CACHD1: variants seen among roughly 807,000 people sequenced by gnomAD.
CACHD1 encodes VWFA and cache domain-containing protein 1.
A neutral mutation model predicts 138.7 loss-of-function variants in CACHD1; 71 were observed. The ratio of observed to expected loss-of-function variants is 0.51; its 90% CI spans 0.42 to 0.62. CACHD1 has a LOEUF of 0.62. Ranked by LOEUF, CACHD1 falls within the 20% of genes least tolerant of loss-of-function variation. CACHD1 has a pLI of 0.00. For synonymous variants in CACHD1, 578 were observed against 591.5 expected, an observed-to-expected ratio of 0.98 and a Z score of 0.33; for missense variants, 1,389 against 1,625.3, an observed-to-expected ratio of 0.85 and a Z score of 2.50.
chr1:64,498,346 A>G (rs998884538), intron 1 of CACHD1, among the ~76,000 whole-genome samples: 1 of 152,136 alleles, frequency 6.6e-6, no homozygotes, highest in Non-Finnish European at 1.5e-5. Context: ...TTATTTTTTC[A>G]CTATTCGAAA....
chr1:64,591,943 G>T (rs948564943), intron 3 of CACHD1, among the ~76,000 whole-genome samples: 1 of 152,166 alleles, frequency 6.6e-6, no homozygotes, highest in Non-Finnish European at 1.5e-5. Flanking sequence ...GCTTAAATAG[G>T]TCCTCGATAA....
At chr1:64,536,975 A>G (rs1292752279) in intron 1 of CACHD1, among the ~76,000 whole-genome samples, 7 of 152,130 alleles carry the variant, frequency 4.6e-5, no homozygotes, top group African/African-American at 9.7e-5. Flanking sequence ...TCTGGGTTAC[A>G]CACATCTGAC....
At chr1:64,642,908 G>A (rs1335919210) in intron 8 of CACHD1, among the ~76,000 whole-genome samples, 3 of 151,276 alleles carry the variant, frequency 2.0e-5, no homozygotes, top group Admixed American at 2.0e-4. Context: ...GCGTGGTGGT[G>A]TGCGCCTGTA....
chr1:64,553,924 GACATCTGTA>G (rs1489374117), intron 2 of CACHD1, among the ~76,000 whole-genome samples: 19 of 152,144 alleles, frequency 1.2e-4, no homozygotes, highest in Non-Finnish European at 2.9e-5. Flanking sequence ...CACCCATGTT[GACATCTGTA>G]ATTAAGGGTC....
At chr1:64,661,937 A>G (rs752659432) in intron 13 of CACHD1, among the ~76,000 whole-genome samples, 1 of 152,176 alleles carries the variant, frequency 6.6e-6, no homozygotes, top group Non-Finnish European at 1.5e-5. Context: ...GTAATCCTGG[A>G]TTAAAATCTT....
chr1:64,574,433 G>A lies in CACHD1; in HGVS notation c.262-7723G>A, dbSNP rs371481403. On this transcript the variant is annotated intron_variant, in intron 2 of 26. Transcript: ENST00000651257. The stretch of plus-strand genomic sequence containing the variant: ...ATCCCAGAAAAAGTCTGAGCTGCCC[G>A]AGACTGTAATTACCTATCCTGTATG... Among the ~76,000 whole-genome samples, 56 of 152,218 alleles carry A rather than the reference G, an allele frequency of 3.7e-4. 1 individual carries two copies. The highest frequency in any genetic ancestry group is 1.3e-3 in the African/African-American group (54 of 41,536).
intron 2 of CACHD1, among the ~76,000 whole-genome samples, chr1:64,557,791 T>G (rs183513794): frequency 0.021 from 3,220 of 150,706 alleles, 61 homozygotes; most frequent in Non-Finnish European, 0.033. Flanking sequence ...TTTAAAAAAT[T>G]ATTATTATTA....
At chr1:64,552,435 C>G (rs1046230342) in intron 2 of CACHD1, among the ~76,000 whole-genome samples, 1 of 150,660 alleles carries the variant, frequency 6.6e-6, no homozygotes, top group Non-Finnish European at 1.5e-5. Flanking sequence ...ATAAATATGA[C>G]AGAAAGTTTT....
At chr1:64,535,731 A>T (rs1286334027) in intron 1 of CACHD1, among the ~76,000 whole-genome samples, 1 of 152,134 alleles carries the variant, frequency 6.6e-6, no homozygotes, top group Non-Finnish European at 1.5e-5. Context: ...CTAGTAAAGG[A>T]CTTTTAAAGC....
rs190310717 is a variant in CACHD1, at chr1:64,630,915, C to T, written c.644+1434C>T. 1.6e-3 allele frequency among the ~76,000 whole-genome samples: 243 copies of T among 152,320 alleles called. 2 individuals carry two copies. The highest frequency in any genetic ancestry group is 5.7e-3 in the African/African-American group (235 of 41,564). Reference sequence around the variant, plus strand: ...CTAATTAGCCCTTGAACCTCTTTTCCCTTGGCTAAATGATCCACATTTCTC... The same window carrying T: ...CTAATTAGCCCTTGAACCTCTTTTCTCTTGGCTAAATGATCCACATTTCTC... On this transcript the variant is annotated intron_variant, in intron 5 of 26. Transcript: ENST00000651257.
Position 64,655,561 on chromosome 1 carries a change from G to A in CACHD1, c.1782+758G>A, listed in dbSNP as rs115867213. Among the ~76,000 whole-genome samples, 161 of 152,230 alleles carry A rather than the reference G, an allele frequency of 1.1e-3. 1 individual carries two copies. Among genetic ancestry groups the A allele is most frequent in the African/African-American group, 3.8e-3 (156 of 41,536 alleles). ...AAAGAAAATTTTAGATTAGAAATTG[G>A]ATTATTCATGTTCAACACAAGCAGA... On this transcript the variant is annotated intron_variant, in intron 12 of 26. Transcript: ENST00000651257.
At chr1:64,569,565 A>G (rs958571869) in intron 2 of CACHD1, among the ~76,000 whole-genome samples, 1 of 152,008 alleles carries the variant, frequency 6.6e-6, no homozygotes, top group South Asian at 2.1e-4. Context: ...GGAGAGGAGC[A>G]GCGGGGGCCT....
intron 1 of CACHD1, among the ~76,000 whole-genome samples, chr1:64,523,007 A>G (rs988764707): frequency 6.1e-4 from 93 of 152,232 alleles, no homozygotes; most frequent in African/African-American, 2.1e-3. Context: ...AAACAAAAGC[A>G]TAAGTAGCCA....
intron 1 of CACHD1, among the ~76,000 whole-genome samples, chr1:64,495,416 T>C (rs1646300355): frequency 6.6e-6 from 1 of 152,194 alleles, no homozygotes; most frequent in South Asian, 2.1e-4. Context: ...TCCTATATAA[T>C]CTTAATTTAT....
chr1:64,569,805 C>A (rs187193146), intron 2 of CACHD1, among the ~76,000 whole-genome samples: 5 of 152,162 alleles, frequency 3.3e-5, no homozygotes, highest in Non-Finnish European at 1.5e-5. Context: ...AGTCAAACTT[C>A]ATTTAACTAG....
chr1:64,533,180 A>G (rs917356327), intron 1 of CACHD1, among the ~76,000 whole-genome samples: 1 of 152,038 alleles, frequency 6.6e-6, no homozygotes, highest in African/African-American at 2.4e-5. Flanking sequence ...ACATGGTGAA[A>G]CCCCGTCTCT....
rs754070191 is a variant in CACHD1 at position 64,470,974 on chromosome 1, G to T, written c.198+32G>T. 1.3e-6 allele frequency: 2 copies of T among 1,555,054 alleles called. No individual in the cohort carries two copies. Among genetic ancestry groups the T allele is most frequent in the Non-Finnish European group, 8.7e-7 (1 of 1,148,436 alleles). On this transcript the variant is annotated intron_variant, in intron 1 of 26. Coordinates refer to ENST00000651257, the MANE Select transcript of CACHD1 (RefSeq NM_020925.4). This position sits in a 1 kb window ranked among gnomAD's most constrained non-coding sequence, Gnocchi z 5.2. ...GGCCCCCGAGCTGGCCAGACATCCC[G>T]CCTTTCTCCTTTGCTCAAACTCCCA...
chr1:64,608,105 T>A lies in CACHD1; in HGVS notation c.517+5193T>A, dbSNP rs149204910. 4.7e-4 allele frequency among the ~76,000 whole-genome samples: 72 copies of A among 152,306 alleles called. No individual in the cohort carries two copies. In the East Asian group the frequency reaches 0.013, roughly 28 times the overall value. ...TATTTCTGTGAGCATGTCTCAAGTATAACCTACTACATAACAAGAGTTGTT... is the reference window on the plus strand; with the variant it reads ...TATTTCTGTGAGCATGTCTCAAGTAAAACCTACTACATAACAAGAGTTGTT... On this transcript the variant is annotated intron_variant, in intron 4 of 26. Coordinates refer to ENST00000651257, the MANE Select transcript of CACHD1 (RefSeq NM_020925.4).
chr1:64,667,325 A>G (rs905884316), intron 16 of CACHD1, among the ~76,000 whole-genome samples: 1 of 152,226 alleles, frequency 6.6e-6, no homozygotes, highest in Non-Finnish European at 1.5e-5. Flanking sequence ...AATGATTGAC[A>G]TTCAGTAAAA....
Sources: allele counts gnomAD v4.1 joint callset (sites outside exome capture counted in the v4.1 genomes callset), GRCh38; gene constraint gnomAD v4.1.1; non-coding constraint Gnocchi (gnomAD v3.1); transcripts MANE v1.5; gene names NCBI Gene and HGNC (gene_info 2026-07-23, HGNC 2026-07-21).